TBC1D5: variants seen among roughly 807,000 people sequenced by gnomAD.
The protein encoded by TBC1D5 is TBC1 domain family, member 5.
A neutral mutation model predicts 100.3 loss-of-function variants in TBC1D5; 75 were observed. The ratio of observed to expected loss-of-function variants is 0.75; its 90% CI spans 0.62 to 0.91. TBC1D5 has a LOEUF of 0.91. TBC1D5 is among the 40% of genes least tolerant of loss of function. TBC1D5 has a pLI of 0.00. For synonymous variants in TBC1D5, 323 were observed against 325.6 expected (o/e 0.99, Z 0.09); for missense variants, 910 against 942.4 (o/e 0.97, Z 0.45).
intron 19 of TBC1D5, among the ~76,000 whole-genome samples, chr3:17,168,586 T>C (rs1477781910): frequency 6.6e-6 from 1 of 152,192 alleles, no homozygotes; most frequent in Non-Finnish European, 1.5e-5. Context: ...TGTGGCGTTC[T>C]GAGGCAGGAT....
At chr3:17,281,179 C>T (rs1043396434) in intron 15 of TBC1D5, among the ~76,000 whole-genome samples, 1 of 152,202 alleles carries the variant, frequency 6.6e-6, no homozygotes, top group East Asian at 1.9e-4. Context: ...TTACGTGTTT[C>T]AACCAAGACT....
At chr3:17,318,612 C>T (rs902001475) in intron 13 of TBC1D5, among the ~76,000 whole-genome samples, 9 of 152,116 alleles carry the variant, frequency 5.9e-5, no homozygotes, top group East Asian at 1.9e-4. Context: ...AGGAACATGG[C>T]GCAACCTGAG....
intron 18 of TBC1D5, among the ~76,000 whole-genome samples, chr3:17,189,813 G>A (rs1352584466): frequency 6.6e-6 from 1 of 152,130 alleles, no homozygotes; most frequent in Non-Finnish European, 1.5e-5. Context: ...TCCTTTACCT[G>A]AGATTCACCA....
At position 17,494,019 on chromosome 3, in the gene TBC1D5, A is replaced by G. The variant is rs909552586; in HGVS notation, c.97+14455T>C. 3.3e-5 allele frequency among the ~76,000 whole-genome samples: 5 copies of G among 152,198 alleles called. No homozygotes were observed. In the East Asian group the frequency reaches 9.6e-4, roughly 29 times the overall value. ...AAAAGAGGCACTCTGACTAGTTTTC[A>G]GCGTTTTTGCGCTTATTTTTTCTCA... On this transcript the variant is annotated intron_variant, in intron 3 of 21. Coordinates refer to ENST00000253692, the Ensembl canonical transcript of TBC1D5.
intron 4 of TBC1D5, among the ~76,000 whole-genome samples, chr3:17,414,494 C>A (rs1319055723): frequency 6.6e-6 from 1 of 151,994 alleles, no homozygotes; most frequent in East Asian, 1.9e-4. Flanking sequence ...TACTTTTAGG[C>A]CATTTTAAAG....
At chr3:17,649,537 A>G (rs772184302) in intron 1 of TBC1D5, among the ~76,000 whole-genome samples, 1 of 152,208 alleles carries the variant, frequency 6.6e-6, no homozygotes, top group Non-Finnish European at 1.5e-5. Context: ...CAAACATATG[A>G]AAAAGTGCTC....
At chr3:17,584,713 G>C (rs1049946292) in intron 2 of TBC1D5, among the ~76,000 whole-genome samples, 1 of 152,222 alleles carries the variant, frequency 6.6e-6, no homozygotes, top group African/African-American at 2.4e-5. Flanking sequence ...CTGGAGTGCA[G>C]TGGCACGATC....
At chr3:17,505,629 T>C (rs1280312177) in intron 3 of TBC1D5, among the ~76,000 whole-genome samples, 4 of 152,204 alleles carry the variant, frequency 2.6e-5, no homozygotes, top group Admixed American at 6.5e-5. Flanking sequence ...TTAATAGGTT[T>C]GCTATACCTG....
At chr3:17,611,448 G>C (rs1314293917) in intron 2 of TBC1D5, among the ~76,000 whole-genome samples, 1 of 152,120 alleles carries the variant, frequency 6.6e-6, no homozygotes, top group Admixed American at 6.5e-5. Flanking sequence ...AAGTCAAGCA[G>C]AGAAGGGAGA....
At chr3:17,442,356 T>A (rs1320873821) in intron 3 of TBC1D5, among the ~76,000 whole-genome samples, 1 of 152,218 alleles carries the variant, frequency 6.6e-6, no homozygotes, top group East Asian at 1.9e-4. Context: ...ACCCTTTTGA[T>A]AAGAAAACTG....
At chr3:17,667,836 T>C (rs1352640439) in intron 1 of TBC1D5, among the ~76,000 whole-genome samples, 1 of 152,114 alleles carries the variant, frequency 6.6e-6, no homozygotes, top group Non-Finnish European at 1.5e-5. Flanking sequence ...AACCTTTTTG[T>C]GGAAGAACCC....
At chr3:17,218,362 A>G (rs2073898088) in intron 17 of TBC1D5, among the ~76,000 whole-genome samples, 1 of 152,058 alleles carries the variant, frequency 6.6e-6, no homozygotes, top group African/African-American at 2.4e-5. Context: ...TTCTCCAAAA[A>G]AGACATCTGG....
At chr3:17,200,965 CTG>C (rs778543011) in intron 18 of TBC1D5, among the ~76,000 whole-genome samples, 3 of 152,182 alleles carry the variant, frequency 2.0e-5, no homozygotes, top group East Asian at 1.9e-4. Context: ...ATGGGGAACT[CTG>C]TGTAAATGAC....
chr3:17,297,992 G>A (rs914656948), intron 14 of TBC1D5, among the ~76,000 whole-genome samples: 1 of 152,176 alleles, frequency 6.6e-6, no homozygotes, highest in African/African-American at 2.4e-5. Flanking sequence ...TCTGTAAAAT[G>A]TCATGGAAAT....
At position 17,306,476 on chromosome 3, in the gene TBC1D5, C is replaced by T. The variant is rs537983691; in HGVS notation, c.1138+1516G>A. Among the ~76,000 whole-genome samples the T allele has an allele frequency of 4.6e-4, 70 of 152,192 alleles. 1 individual carries two copies. Among genetic ancestry groups the T allele is most frequent in the African/African-American group, 1.6e-3 (68 of 41,518 alleles). ...TTGAAATAAATAAATCACTTCATTA[C>T]TTCTGTATTTTTCTACATTTTATAA... On this transcript the variant is annotated intron_variant, in intron 14 of 21. Coordinates refer to ENST00000253692, the Ensembl canonical transcript of TBC1D5.
intron 7 of TBC1D5, among the ~76,000 whole-genome samples, chr3:17,404,072 T>C (rs1575725315): frequency 6.6e-6 from 1 of 152,144 alleles, no homozygotes; most frequent in Non-Finnish European, 1.5e-5. Context: ...TAATATTTTA[T>C]GTTCTTATAC....
intron 1 of TBC1D5, among the ~76,000 whole-genome samples, chr3:17,673,309 T>TTC (rs1177066903): frequency 9.5e-6 from 1 of 105,210 alleles, no homozygotes; most frequent in Non-Finnish European, 2.1e-5. Flanking sequence ...TTCTTTTCTT[T>TTC]TCTTTTTTTT....
At chr3:17,429,565 C>A (rs966474983) in intron 3 of TBC1D5, among the ~76,000 whole-genome samples, 2 of 151,596 alleles carry the variant, frequency 1.3e-5, no homozygotes, top group Non-Finnish European at 3.0e-5. Flanking sequence ...TTTGAACAAC[C>A]GAAGGTGCAA....
intron 15 of TBC1D5, among the ~76,000 whole-genome samples, chr3:17,268,457 AT>A (rs1156568405): frequency 6.6e-6 from 1 of 151,514 alleles, no homozygotes; most frequent in Non-Finnish European, 1.5e-5. Flanking sequence ...AATAAAGAAA[AT>A]AAAAAAATAG....
Sources: allele counts gnomAD v4.1 joint callset (sites outside exome capture counted in the v4.1 genomes callset), GRCh38; gene constraint gnomAD v4.1.1; transcripts MANE v1.5; gene names NCBI Gene and HGNC (gene_info 2026-07-23, HGNC 2026-07-21).